VPS13B: variants seen among roughly 807,000 people sequenced by gnomAD.
The protein encoded by VPS13B is vacuolar protein sorting 13 homolog B, also known as intermembrane lipid transfer protein VPS13B.
Under a neutral mutation model 426.4 loss-of-function variants are expected in VPS13B, and 285 were observed. The observed-to-expected ratio is 0.67, with a 90% CI of 0.61 to 0.74. The LOEUF is 0.74. Ranked by LOEUF, VPS13B falls within the 30% of genes least tolerant of loss-of-function variation. The probability of loss-of-function intolerance (pLI) is 0.00; values close to 1 mark genes in which losing one functional copy is unlikely to be tolerated. For missense variants in VPS13B, 4,537 were observed against 4,782.6 expected, an observed-to-expected ratio of 0.95 and a Z score of 1.51; for synonymous variants, 1,676 against 1,676.4, an observed-to-expected ratio of 1.00 and a Z score of 0.01.
intron 8 of VPS13B, among the ~76,000 whole-genome samples, chr8:99,126,376 A>G (rs1012469299): frequency 2.0e-5 from 3 of 152,200 alleles, no homozygotes; most frequent in African/African-American, 7.2e-5. Flanking sequence ...CTAAGGACCT[A>G]CTACACAAAA....
intron 3 of VPS13B, among the ~76,000 whole-genome samples, chr8:99,039,767 C>T (rs935254715): frequency 6.6e-6 from 1 of 151,980 alleles, no homozygotes; most frequent in African/African-American, 2.4e-5. Flanking sequence ...CATATCAACC[C>T]AGTGGACTCA....
At chr8:99,677,053 G>T (rs1830965858) in intron 35 of VPS13B, among the ~76,000 whole-genome samples, 1 of 152,004 alleles carries the variant, frequency 6.6e-6, no homozygotes, top group Admixed American at 6.6e-5. Context: ...GAGGCAGAAG[G>T]TGCAATGAGC....
intron 22 of VPS13B, among the ~76,000 whole-genome samples, chr8:99,432,729 G>C (rs1183549461): frequency 1.3e-5 from 2 of 152,140 alleles, no homozygotes; most frequent in Non-Finnish European, 2.9e-5. Flanking sequence ...GGCAGACCTA[G>C]ATATGTATTT....
chr8:99,870,814 C>T lies in VPS13B; in HGVS notation c.11422C>T (p.Leu3808Phe). 1 of 1,614,212 alleles carries T rather than the reference C, an allele frequency of 6.2e-7. No individual in the cohort carries two copies. The highest frequency in any genetic ancestry group is 8.5e-7 in the Non-Finnish European group (1 of 1,180,030). ...TTTACATGGAGCTGGACTTTCTCAG[C>T]TTCCCAAACAGCGCCATCAGCCAAG... ...GILHGAGLSQ[L>F]PKQRHQPSDL... The change falls in exon 60 of 62, where the codon CTT (leucine) becomes TTT (phenylalanine). Residue 3808 changes from leucine to phenylalanine, a missense_variant. Physicochemically the swap from Leu to Phe is conservative, Grantham distance 22. Coordinates refer to ENST00000357162, the MANE Select transcript of VPS13B (RefSeq NM_152564.5).
At chr8:99,620,376 G>A (rs373802049) in intron 33 of VPS13B, among the ~76,000 whole-genome samples, 1 of 152,144 alleles carries the variant, frequency 6.6e-6, no homozygotes, top group African/African-American at 2.4e-5. Context: ...TGGGTTTCCT[G>A]CATTGAAACT....
At chr8:99,235,056 C>T (rs1816561850) in intron 17 of VPS13B, among the ~76,000 whole-genome samples, 1 of 152,144 alleles carries the variant, frequency 6.6e-6, no homozygotes, top group African/African-American at 2.4e-5. Context: ...TACAAGAGTG[C>T]TTTACAACCA....
chr8:99,695,812 G>C (rs544247538), intron 35 of VPS13B: 4 of 152,212 alleles, frequency 2.6e-5, no homozygotes, highest in Non-Finnish European at 4.4e-5. Context: ...GGGTATCCAG[G>C]AGCGAAGCCA....
intron 42 of VPS13B, among the ~76,000 whole-genome samples, chr8:99,783,626 A>T (rs1004771276): frequency 1.3e-5 from 2 of 152,186 alleles, no homozygotes; most frequent in Non-Finnish European, 2.9e-5. Context: ...CTAATGAAGG[A>T]TTTTAGCTGA....
At position 99,848,872 on chromosome 8, in the gene VPS13B, C is replaced by T. The variant is rs1816115151; in HGVS notation, c.10039C>T (p.Pro3347Ser). ...TGTGGCCCCAGAAGGAAAAGCAGGA[C>T]CTATTTTAACCAATACCAACAGGTA... ...ITVAPEGKAG[P>S]ILTNTNRAPE... Residue 3347 changes from proline to serine, a missense_variant, in exon 55 of 62, where the codon CCT (proline) becomes TCT (serine). Physicochemically the swap from Pro to Ser is moderately conservative, Grantham distance 74. Around this residue, in one of 2 missense-constraint regions of VPS13B, gnomAD observed 4,311 missense variants for 4,474.3 expected, o/e 0.96. Transcript: ENST00000357162. 1 of 1,613,994 alleles carries T rather than the reference C, an allele frequency of 6.2e-7. No individual in the cohort carries two copies. The highest frequency in any genetic ancestry group is 1.7e-5 in the Admixed American group (1 of 59,998).
intron 49 of VPS13B, 104 bp downstream of exon 49, chr8:99,820,226 ATTC>A: frequency 8.5e-7 from 1 of 1,182,996 alleles, no homozygotes; most frequent in African/African-American, 1.5e-5. Context: ...GTTGTGAAAA[ATTC>A]TTCTTAGATG....
chr8:99,094,685 C>T (rs1846330995), intron 3 of VPS13B, among the ~76,000 whole-genome samples: 1 of 152,072 alleles, frequency 6.6e-6, no homozygotes, highest in South Asian at 2.1e-4. Context: ...TAAAAGTTTT[C>T]TTAAAGAGGT....
intron 39 of VPS13B, among the ~76,000 whole-genome samples, chr8:99,725,947 G>A (rs1049506998): frequency 1.3e-5 from 2 of 152,262 alleles, no homozygotes; most frequent in Middle Eastern, 3.4e-3. Context: ...ACAGAATTGA[G>A]TTTAGATGAC....
At chr8:99,036,371 TA>T (rs1470757252) in intron 2 of VPS13B, among the ~76,000 whole-genome samples, 5 of 152,156 alleles carry the variant, frequency 3.3e-5, no homozygotes, top group African/African-American at 9.6e-5. Flanking sequence ...TATACATAAA[TA>T]AAGTATTTTT....
At chr8:99,129,661 G>C (rs1809655074) in intron 8 of VPS13B, among the ~76,000 whole-genome samples, 1 of 151,374 alleles carries the variant, frequency 6.6e-6, no homozygotes. Flanking sequence ...ACTTATTTTT[G>C]TGGAAGATTG....
At chr8:99,332,765 T>G (rs1810614769) in intron 19 of VPS13B, among the ~76,000 whole-genome samples, 1 of 151,716 alleles carries the variant, frequency 6.6e-6, no homozygotes, top group Non-Finnish European at 1.5e-5. Flanking sequence ...ATTCTAAACA[T>G]TTTAAATATC....
intron 58 of VPS13B, among the ~76,000 whole-genome samples, chr8:99,863,300 G>A (rs1289500364): frequency 2.6e-5 from 4 of 152,126 alleles, no homozygotes; most frequent in African/African-American, 4.8e-5. Context: ...TTTGAGCAAC[G>A]GCAGTAATAT....
At chr8:99,071,604 G>C (rs1844855849) in intron 3 of VPS13B, among the ~76,000 whole-genome samples, 1 of 152,142 alleles carries the variant, frequency 6.6e-6, no homozygotes, top group Non-Finnish European at 1.5e-5. Context: ...TAAGGCACAG[G>C]CTCTTTTGGC....
chr8:99,151,876 G>T (rs1811098353), intron 14 of VPS13B, among the ~76,000 whole-genome samples: 1 of 151,992 alleles, frequency 6.6e-6, no homozygotes, highest in Non-Finnish European at 1.5e-5. Flanking sequence ...GTGTCCTTGG[G>T]ATTTGTAACA....
intron 58 of VPS13B, among the ~76,000 whole-genome samples, chr8:99,863,615 G>A (rs1035218398): frequency 6.6e-6 from 1 of 152,292 alleles, no homozygotes; most frequent in East Asian, 1.9e-4. Context: ...TCCGTTTTCA[G>A]TGTGTAAGAT....
Sources: gnomAD v4.1 joint callset for allele counts (sites outside exome capture counted in the v4.1 genomes callset) on GRCh38, gnomAD v4.1.1 for gene constraint, gnomAD v4.1.1 regional missense constraint, MANE v1.5 for transcripts, NCBI Gene and HGNC (gene_info 2026-07-23, HGNC 2026-07-21) for gene names.